The following LARP4B variants were observed in gnomAD, a reference collection of about 807,000 sequenced individuals.
The protein encoded by LARP4B is la-related protein 4B.
In LARP4B, 12 loss-of-function variants were observed where a neutral mutation model predicts 89.8. That is an observed-to-expected ratio of 0.13 (90% CI 0.09 to 0.22). The LOEUF (loss-of-function observed/expected upper bound fraction) is 0.22. LARP4B is among the 10% of genes least tolerant of loss of function. The pLI, the probability that LARP4B is intolerant of heterozygous loss-of-function variation, is 1.00. For synonymous variants in LARP4B, 367 were observed against 363.3 expected (o/e 1.01, Z -0.12); for missense variants, 757 against 947.7 (o/e 0.80, Z 2.64).
intron 1 of LARP4B, among the ~76,000 whole-genome samples, chr10:921,533 T>C (rs1471498454): frequency 6.6e-6 from 1 of 152,112 alleles, no homozygotes; most frequent in Non-Finnish European, 1.5e-5. Context: ...ACTACCACAA[T>C]GACCAACACA....
At chr10:867,885 A>AAC (rs1564418797) in intron 3 of LARP4B, among the ~76,000 whole-genome samples, 5 of 150,644 alleles carry the variant, frequency 3.3e-5, no homozygotes, top group African/African-American at 7.3e-5. Flanking sequence ...AAAAAAAAAA[A>AAC]ACTCCAGTGT....
intron 1 of LARP4B, among the ~76,000 whole-genome samples, chr10:919,832 A>G (rs1007298380): frequency 6.6e-6 from 1 of 152,194 alleles, no homozygotes; most frequent in African/African-American, 2.4e-5. Flanking sequence ...AAACCATTTA[A>G]TTTACATGAA....
intron 7 of LARP4B, among the ~76,000 whole-genome samples, chr10:841,526 AC>A (rs1268455065): frequency 1.3e-5 from 2 of 152,188 alleles, no homozygotes; most frequent in Admixed American, 1.3e-4. Flanking sequence ...GGTGGAAACG[AC>A]CCCTTGCCAG....
At chr10:931,168 G>GGCCCCGGTCCTCCTCA (rs1244860899) in intron 1 of LARP4B, among the ~76,000 whole-genome samples, 1 of 148,152 alleles carries the variant, frequency 6.7e-6, no homozygotes, top group African/African-American at 2.5e-5. Flanking sequence ...CCCCTGCCCC[G>GGCCCCGGTCCTCCTCA]GCCCCGGTCC....
At chr10:832,972 T>C (rs1163462431) in intron 8 of LARP4B, among the ~76,000 whole-genome samples, 2 of 152,152 alleles carry the variant, frequency 1.3e-5, no homozygotes, top group African/African-American at 4.8e-5. Context: ...CGATGTATTG[T>C]GAGGCTTATG....
At chr10:872,379 C>T (rs1467624202) in intron 3 of LARP4B, among the ~76,000 whole-genome samples, 2 of 152,210 alleles carry the variant, frequency 1.3e-5, no homozygotes, top group African/African-American at 4.8e-5. Context: ...GCTGAAGGCA[C>T]TGAAGAGCAA....
the LARP4B span, among the ~76,000 whole-genome samples, chr10:949,252 C>T: frequency 1.0e-4 from 15 of 146,110 alleles, no homozygotes; most frequent in African/African-American, 2.0e-4. Flanking sequence ...ACCAGCCCCG[C>T]GTGAGTGAGT....
Position 834,848 on chromosome 10 carries a change from A to C in LARP4B, c.750+1555T>G, listed in dbSNP as rs368000574. Among the ~76,000 whole-genome samples, 21 of 152,246 alleles carry C rather than the reference A, an allele frequency of 1.4e-4. No individual in the cohort carries two copies. In the East Asian group the frequency reaches 3.3e-3, roughly 24 times the overall value. On this transcript the variant is annotated intron_variant, in intron 8 of 17. Coordinates refer to ENST00000316157, the MANE Select transcript of LARP4B (RefSeq NM_015155.3). ...GTTAATACAGATGTCCAAATTAATC[A>C]TAAGAAATATGCTGGTCCTCGGCCG...
At chr10:877,407 C>T (rs1835502200) in intron 3 of LARP4B, among the ~76,000 whole-genome samples, 1 of 152,190 alleles carries the variant, frequency 6.6e-6, no homozygotes, top group Non-Finnish European at 1.5e-5. Context: ...TCTGAAAAGC[C>T]TTTCAGATGG....
chr10:977,432 G>C, the LARP4B span, among the ~76,000 whole-genome samples: 1 of 151,894 alleles, frequency 6.6e-6, no homozygotes, highest in Non-Finnish European at 1.5e-5. Context: ...CCAGCTATTC[G>C]GGAGGCTGAG....
chr10:843,130 T>TA, intron 6 of LARP4B, 62 bp from the exon 7 acceptor site: 1 of 1,455,406 alleles, frequency 6.9e-7, no homozygotes, highest in Non-Finnish European at 9.5e-7. Flanking sequence ...TCACCTACTG[T>TA]AATTCCAGTT....
chr10:936,595 C>A (rs549876553), upstream of LARP4B, among the ~76,000 whole-genome samples: 1 of 152,016 alleles, frequency 6.6e-6, no homozygotes, highest in East Asian at 1.9e-4. Context: ...TGGTGGCGGT[C>A]GCCTGTAGTC....
intron 14 of LARP4B, 130 bp from the exon 15 acceptor site, chr10:818,019 C>T: frequency 1.1e-6 from 1 of 907,780 alleles, no homozygotes; most frequent in Admixed American, 2.8e-5. Context: ...GGCTTCCTCA[C>T]TCAATTGAAG....
rs1003592951 is a variant in LARP4B at position 814,401 on chromosome 10, G to A, written c.1929+341C>T. 2.4e-5 allele frequency: 9 copies of A among 372,626 alleles called. No individual in the cohort carries two copies. The highest frequency in any genetic ancestry group is 3.8e-5 in the Non-Finnish European group (7 of 185,360). 23.1% of individuals were successfully genotyped at this position (372,626 alleles called of 1,614,324 possible). The stretch of plus-strand genomic sequence containing the variant: ...TCTTCATCAGACACACGATGCGCGC[G>A]CACGCACGCAAACATACACACACGC... On this transcript the variant is annotated intron_variant, in intron 17 of 17. Coordinates refer to ENST00000316157, the MANE Select transcript of LARP4B (RefSeq NM_015155.3). This position sits in a 1 kb window ranked among gnomAD's most constrained non-coding sequence, Gnocchi z 4.4.
intron 7 of LARP4B, among the ~76,000 whole-genome samples, chr10:839,207 G>C (rs1833389973): frequency 6.6e-6 from 1 of 152,188 alleles, no homozygotes; most frequent in South Asian, 2.1e-4. Context: ...ATGGTTGTCT[G>C]AACCCATAGA....
intron 1 of LARP4B, among the ~76,000 whole-genome samples, chr10:887,417 A>G (rs1197475403): frequency 6.6e-6 from 1 of 151,712 alleles, no homozygotes; most frequent in Non-Finnish European, 1.5e-5. Flanking sequence ...CACAATTAAA[A>G]AAAAAAAAAA....
intron 3 of LARP4B, among the ~76,000 whole-genome samples, chr10:881,146 G>T (rs1482265809): frequency 6.6e-6 from 1 of 152,166 alleles, no homozygotes; most frequent in Non-Finnish European, 1.5e-5. Context: ...TTAACCAAAC[G>T]ACACTGTTGC....
At chr10:830,043 T>G (rs1455955280) in intron 9 of LARP4B, among the ~76,000 whole-genome samples, 1 of 152,216 alleles carries the variant, frequency 6.6e-6, no homozygotes, top group African/African-American at 2.4e-5. Flanking sequence ...TGATGAATAC[T>G]GAGTTCCTAG....
intron 3 of LARP4B, among the ~76,000 whole-genome samples, chr10:882,111 G>A (rs890915573): frequency 2.0e-5 from 3 of 152,094 alleles, no homozygotes; most frequent in Admixed American, 6.5e-5. Flanking sequence ...CTGGGGGTGG[G>A]CTGGGGGTTT....
Sources: gnomAD v4.1 joint callset for allele counts (sites outside exome capture counted in the v4.1 genomes callset) on GRCh38, gnomAD v4.1.1 for gene constraint, Gnocchi (gnomAD v3.1) non-coding constraint, MANE v1.5 for transcripts, NCBI Gene and HGNC (gene_info 2026-07-23, HGNC 2026-07-21) for gene names.